ADAMTSL3: variants seen among roughly 807,000 people sequenced by gnomAD.
ADAMTSL3 encodes ADAMTS like 3.
Under a neutral mutation model 201.7 loss-of-function variants are expected in ADAMTSL3, and 128 were observed. The observed-to-expected ratio is 0.63, with a 90% CI of 0.55 to 0.73. The LOEUF (loss-of-function observed/expected upper bound fraction) is 0.73, where lower values mean the gene tolerates loss of function less well. Ranked by LOEUF, ADAMTSL3 falls within the 30% of genes least tolerant of loss-of-function variation. The pLI, the probability that ADAMTSL3 is intolerant of heterozygous loss-of-function variation, is 0.00. For missense variants in ADAMTSL3, 1,990 were observed against 2,119.6 expected, an observed-to-expected ratio of 0.94 and a Z score of 1.20; for synonymous variants, 738 against 748.4, an observed-to-expected ratio of 0.99 and a Z score of 0.23.
At chr15:83,689,135 T>C (rs2061579437) in intron 2 of ADAMTSL3, among the ~76,000 whole-genome samples, 1 of 152,208 alleles carries the variant, frequency 6.6e-6, no homozygotes, top group Non-Finnish European at 1.5e-5. Context: ...AAACTTATTT[T>C]ATTATAAAAT....
intron 8 of ADAMTSL3, among the ~76,000 whole-genome samples, chr15:83,866,891 CA>C (rs1246961080): frequency 6.6e-6 from 1 of 152,178 alleles, no homozygotes; most frequent in Non-Finnish European, 1.5e-5. Context: ...GAAATGTTCC[CA>C]TTTCTCCAAG....
intron 23 of ADAMTSL3, among the ~76,000 whole-genome samples, chr15:84,006,265 C>T (rs1485250074): frequency 6.6e-6 from 1 of 152,084 alleles, no homozygotes; most frequent in Non-Finnish European, 1.5e-5. Flanking sequence ...CATGATTCCC[C>T]AGAGATAACT....
chr15:83,897,219 A>C (rs1377169022), intron 13 of ADAMTSL3, among the ~76,000 whole-genome samples: 1 of 152,206 alleles, frequency 6.6e-6, no homozygotes, highest in Non-Finnish European at 1.5e-5. Flanking sequence ...CAAATAATCC[A>C]AGAAAAAAAA....
At chr15:83,895,446 A>G (rs898052769) in intron 13 of ADAMTSL3, among the ~76,000 whole-genome samples, 1 of 152,178 alleles carries the variant, frequency 6.6e-6, no homozygotes, top group Non-Finnish European at 1.5e-5. Flanking sequence ...ATCATTATGT[A>G]TATTATCAGA....
Position 83,964,687 on chromosome 15 carries a change from T to C in ADAMTSL3, c.2491-5797T>C, listed in dbSNP as rs368529326. On this transcript the variant is annotated intron_variant, in intron 19 of 29. Coordinates refer to ENST00000286744, the MANE Select transcript of ADAMTSL3 (RefSeq NM_207517.3). Reference sequence around the variant, plus strand: ...AATACAGAGAATACCACAAAGATACTCCTCTAGAAGAACAACCCCAAGACA... The same window carrying C: ...AATACAGAGAATACCACAAAGATACCCCTCTAGAAGAACAACCCCAAGACA... 1.4e-4 allele frequency among the ~76,000 whole-genome samples: 21 copies of C among 152,016 alleles called. No homozygotes were observed. In the East Asian group the frequency reaches 2.9e-3, roughly 21 times the overall value.
intron 5 of ADAMTSL3, among the ~76,000 whole-genome samples, chr15:83,809,144 C>T (rs548763429): frequency 6.6e-6 from 1 of 152,108 alleles, no homozygotes; most frequent in South Asian, 2.1e-4. Context: ...CTCGAATGTT[C>T]CCACCACAAA....
In ADAMTSL3 at chr15:83,990,576, G is replaced by A. The variant is rs534010448; in HGVS notation, c.3845-510G>A. Among the ~76,000 whole-genome samples, 296 of 152,172 alleles carry A rather than the reference G, an allele frequency of 1.9e-3. 3 individuals carry two copies. The highest frequency in any genetic ancestry group is 3.1e-3 in the Non-Finnish European group (213 of 68,012). ...AATGAGGGACAACAGAATGGATCAG[G>A]ACCTTCTGTCCTGTCTTCATCAACC... is the stretch of plus-strand genomic sequence containing the variant. On this transcript the variant is annotated intron_variant, in intron 22 of 29. Coordinates refer to ENST00000286744, the MANE Select transcript of ADAMTSL3 (RefSeq NM_207517.3).
At chr15:83,996,259 A>G (rs1295578329) in intron 23 of ADAMTSL3, among the ~76,000 whole-genome samples, 1 of 152,252 alleles carries the variant, frequency 6.6e-6, no homozygotes, top group Non-Finnish European at 1.5e-5. Context: ...TTAGAACTAC[A>G]GAGTTATACT....
intron 19 of ADAMTSL3, among the ~76,000 whole-genome samples, chr15:83,961,417 G>A (rs548117657): frequency 6.6e-6 from 1 of 152,004 alleles, no homozygotes; most frequent in African/African-American, 2.4e-5. Flanking sequence ...CAAAATAAGG[G>A]GAATTAATTC....
At chr15:83,660,017 T>C (rs188223783) in intron 2 of ADAMTSL3, among the ~76,000 whole-genome samples, 33 of 152,222 alleles carry the variant, frequency 2.2e-4, no homozygotes, top group Middle Eastern at 3.4e-3. Context: ...AGACCTAAAT[T>C]TGTGGTAATT....
chr15:83,720,577 G>A lies in ADAMTSL3; in HGVS notation c.189+16069G>A, dbSNP rs60057243. ...CATGTTTGAGAAATATTGATTTAGCGGTTGGTGACAAAAGGTTTTTAGAAT... is the reference window on the plus strand; with the variant it reads ...CATGTTTGAGAAATATTGATTTAGCAGTTGGTGACAAAAGGTTTTTAGAAT... On this transcript the variant is annotated intron_variant, in intron 3 of 29. Transcript: ENST00000286744. Among the ~76,000 whole-genome samples the A allele has an allele frequency of 8.5e-5, 13 of 152,274 alleles. No individual in the cohort carries two copies. The East Asian group carries it at 2.3e-3, about 27-fold the overall frequency.
At chr15:83,780,408 T>TG (rs1555442692) in intron 4 of ADAMTSL3, among the ~76,000 whole-genome samples, 6 of 125,566 alleles carry the variant, frequency 4.8e-5, no homozygotes, top group African/African-American at 1.8e-4. Flanking sequence ...GAAACTCCAT[T>TG]AAAAAAAAAA....
intron 9 of ADAMTSL3, among the ~76,000 whole-genome samples, chr15:83,877,195 C>A (rs1371015831): frequency 6.6e-6 from 1 of 152,220 alleles, no homozygotes; most frequent in East Asian, 1.9e-4. Context: ...CCACCTTGGT[C>A]TCCCAAAGTC....
intron 23 of ADAMTSL3, among the ~76,000 whole-genome samples, chr15:84,002,285 T>C (rs964196209): frequency 1.3e-5 from 2 of 152,200 alleles, no homozygotes; most frequent in African/African-American, 4.8e-5. Flanking sequence ...GGCTTATGGG[T>C]CTACATGTAT....
chr15:83,831,000 A>G (rs1345134388), intron 6 of ADAMTSL3, among the ~76,000 whole-genome samples: 4 of 152,250 alleles, frequency 2.6e-5, no homozygotes, highest in Non-Finnish European at 5.9e-5. Flanking sequence ...ATGTAGAAAT[A>G]TACAACTAAT....
chr15:83,718,758 A>G (rs1412987163), intron 3 of ADAMTSL3, among the ~76,000 whole-genome samples: 1 of 152,144 alleles, frequency 6.6e-6, no homozygotes, highest in Non-Finnish European at 1.5e-5. Flanking sequence ...AAAGGACTTA[A>G]GCATGTCAAC....
intron 23 of ADAMTSL3, among the ~76,000 whole-genome samples, chr15:84,005,326 G>A (rs1001296693): frequency 1.3e-5 from 2 of 152,182 alleles, no homozygotes; most frequent in Admixed American, 1.3e-4. Context: ...TAGATTACCA[G>A]AATTGCTGAT....
At chr15:83,729,597 A>T (rs1379095817) in intron 3 of ADAMTSL3, among the ~76,000 whole-genome samples, 2 of 151,822 alleles carry the variant, frequency 1.3e-5, no homozygotes, top group African/African-American at 2.4e-5. Flanking sequence ...CTTCTGCTTG[A>T]TTATTTTAAA....
At chr15:83,725,203 C>G (rs2062155709) in intron 3 of ADAMTSL3, among the ~76,000 whole-genome samples, 1 of 150,588 alleles carries the variant, frequency 6.6e-6, no homozygotes, top group African/African-American at 2.4e-5. Context: ...TCTCCACATT[C>G]TTGCCATCAT....
Sources: allele counts gnomAD v4.1 joint callset (sites outside exome capture counted in the v4.1 genomes callset), GRCh38; gene constraint gnomAD v4.1.1; transcripts MANE v1.5; gene names NCBI Gene and HGNC (gene_info 2026-07-23, HGNC 2026-07-21).